Variants in CCDC6 observed in about 807,000 individuals in gnomAD.
The protein encoded by CCDC6 is coiled-coil domain-containing protein 6.
Under a neutral mutation model 56.6 loss-of-function variants are expected in CCDC6, and 20 were observed. The observed-to-expected ratio is 0.35, with a 90% CI of 0.25 to 0.51. CCDC6 has a LOEUF of 0.51. Among genes scored for constraint, CCDC6 ranks in the 20% least tolerant of loss-of-function variants. The probability of loss-of-function intolerance (pLI) is 0.95; values close to 1 mark genes in which losing one functional copy is unlikely to be tolerated. For missense variants in CCDC6, 367 were observed against 601.1 expected, an observed-to-expected ratio of 0.61 and a Z score of 4.07; for synonymous variants, 241 against 234.4, an observed-to-expected ratio of 1.03 and a Z score of -0.26.
intron 2 of CCDC6, among the ~76,000 whole-genome samples, chr10:59,850,846 T>C (rs1405783053): frequency 6.6e-6 from 1 of 152,168 alleles, no homozygotes; most frequent in African/African-American, 2.4e-5. Flanking sequence ...TATACACAAC[T>C]ATAAATAACT....
intron 7 of CCDC6, among the ~76,000 whole-genome samples, chr10:59,801,065 G>A (rs1017203171): frequency 1.3e-5 from 2 of 152,114 alleles, no homozygotes; most frequent in African/African-American, 2.4e-5. Context: ...TGCAAGGGGT[G>A]GGATAGGAGA....
chr10:59,859,193 T>TAC (rs2071104766), intron 1 of CCDC6, among the ~76,000 whole-genome samples: 1 of 118,134 alleles, frequency 8.5e-6, no homozygotes, highest in Admixed American at 9.9e-5. Context: ...AAAATACATG[T>TAC]GTGTGCGTGT....
chr10:59,815,898 T>C (rs2070706613), intron 3 of CCDC6, among the ~76,000 whole-genome samples: 1 of 152,178 alleles, frequency 6.6e-6, no homozygotes, highest in South Asian at 2.1e-4. Context: ...AAAACATGAA[T>C]AAAATGTAGT....
In CCDC6 at chr10:59,893,959, C is replaced by A. The variant is rs549608712; in HGVS notation, c.303+12163G>T. ...TGCTGGGACTCCCTGTGCCTCATGT[C>A]TTTCATCTGTGACACTGAGATCACA... On this transcript the variant is annotated intron_variant, in intron 1 of 8. Transcript: ENST00000263102. Among the ~76,000 whole-genome samples the A allele has an allele frequency of 1.1e-4, 17 of 152,238 alleles. No homozygotes were observed. The South Asian group carries it at 3.3e-3, about 30-fold the overall frequency.
At chr10:59,809,502 T>A (rs2070655352) in intron 5 of CCDC6, among the ~76,000 whole-genome samples, 3 of 152,130 alleles carry the variant, frequency 2.0e-5, no homozygotes, top group African/African-American at 7.2e-5. Context: ...CACCTCTGGG[T>A]GTCACTGACT....
At chr10:59,803,149 T>C (rs1806020549) in intron 7 of CCDC6, among the ~76,000 whole-genome samples, 1 of 152,134 alleles carries the variant, frequency 6.6e-6, no homozygotes, top group Non-Finnish European at 1.5e-5. Flanking sequence ...GGGGAACATC[T>C]TTTTGGCAAG....
chr10:59,852,503 T>C, intron 2 of CCDC6, 50 bp downstream of exon 2: 1 of 1,482,882 alleles, frequency 6.7e-7, no homozygotes, highest in South Asian at 1.4e-5. Context: ...CATTTTCTCC[T>C]AGAAAGGAAA....
chr10:59,883,373 T>C (rs1053319411), intron 1 of CCDC6, among the ~76,000 whole-genome samples: 1 of 152,092 alleles, frequency 6.6e-6, no homozygotes, highest in Non-Finnish European at 1.5e-5. Context: ...CTTGCAAAGG[T>C]ATTGCAGAAT....
intron 1 of CCDC6, among the ~76,000 whole-genome samples, chr10:59,858,189 T>C (rs1312485745): frequency 1.3e-5 from 2 of 152,166 alleles, no homozygotes; most frequent in Non-Finnish European, 2.9e-5. Flanking sequence ...ATTTTTTCTA[T>C]TAGAAGAAGC....
At chr10:59,834,774 C>T (rs1446672845) in intron 2 of CCDC6, among the ~76,000 whole-genome samples, 1 of 152,126 alleles carries the variant, frequency 6.6e-6, no homozygotes, top group Non-Finnish European at 1.5e-5. Context: ...CTCTTTAAAA[C>T]TCAGGTTCTG....
intron 1 of CCDC6, among the ~76,000 whole-genome samples, chr10:59,868,709 TG>T (rs1471412351): frequency 6.6e-6 from 1 of 152,246 alleles, no homozygotes; most frequent in African/African-American, 2.4e-5. Flanking sequence ...GATGAACACC[TG>T]CTTTCCTTTG....
At chr10:59,847,181 T>G (rs1589048732) in intron 2 of CCDC6, among the ~76,000 whole-genome samples, 2 of 152,088 alleles carry the variant, frequency 1.3e-5, no homozygotes, top group Non-Finnish European at 2.9e-5. Flanking sequence ...GGCTCCCAAG[T>G]AGCTGGGACT....
At position 59,877,220 on chromosome 10, in the gene CCDC6, C is replaced by T. The variant is rs559905645; in HGVS notation, c.304-24518G>A. 9.2e-5 allele frequency among the ~76,000 whole-genome samples: 14 copies of T among 152,306 alleles called. No homozygotes were observed. In the East Asian group the frequency reaches 1.2e-3, roughly 13 times the overall value. ...CATTCACGATGGCAAAACAAACATC[C>T]TCCATCTAGGCATCTACTAAGAGCT... On this transcript the variant is annotated intron_variant, in intron 1 of 8. Transcript: ENST00000263102.
intron 2 of CCDC6, among the ~76,000 whole-genome samples, chr10:59,843,042 C>T (rs2070955954): frequency 6.6e-6 from 1 of 151,754 alleles, no homozygotes; most frequent in Non-Finnish European, 1.5e-5. Flanking sequence ...CGTGAGCCAC[C>T]ACACCCGGCC....
intron 5 of CCDC6, among the ~76,000 whole-genome samples, chr10:59,807,740 G>GA (rs1400452264): frequency 5.9e-5 from 9 of 152,146 alleles, no homozygotes; most frequent in Non-Finnish European, 1.3e-4. Context: ...TACATTGCCA[G>GA]AGCTGGGAAA....
At chr10:59,850,071 C>G (rs2071024869) in intron 2 of CCDC6, among the ~76,000 whole-genome samples, 1 of 152,246 alleles carries the variant, frequency 6.6e-6, no homozygotes, top group Admixed American at 6.5e-5. Flanking sequence ...TGTTGTGACA[C>G]CTGGTGTCTA....
intron 7 of CCDC6, among the ~76,000 whole-genome samples, chr10:59,798,613 G>C (rs951545945): frequency 6.6e-6 from 1 of 152,156 alleles, no homozygotes; most frequent in Non-Finnish European, 1.5e-5. Context: ...GGAAAAGAAA[G>C]AAGTTGTTTT....
intron 1 of CCDC6, among the ~76,000 whole-genome samples, chr10:59,879,613 C>T (rs1368333695): frequency 1.3e-5 from 2 of 152,052 alleles, no homozygotes; most frequent in Non-Finnish European, 2.9e-5. Flanking sequence ...ATTGAGTAAC[C>T]ACTACTTCTT....
intron 1 of CCDC6, among the ~76,000 whole-genome samples, chr10:59,853,424 T>C (rs550922570): frequency 6.6e-6 from 1 of 152,080 alleles, no homozygotes; most frequent in East Asian, 1.9e-4. Flanking sequence ...GTTCCAGCTA[T>C]TCGGGAGGCT....
Sources: allele counts gnomAD v4.1 joint callset (sites outside exome capture counted in the v4.1 genomes callset), GRCh38; gene constraint gnomAD v4.1.1; transcripts MANE v1.5; gene names NCBI Gene and HGNC (gene_info 2026-07-23, HGNC 2026-07-21).